Variants in MED12L observed in about 807,000 individuals in gnomAD.
MED12L encodes mediator of RNA polymerase II transcription subunit 12-like protein.
MED12L carries 60 observed loss-of-function variants against 281.3 expected under a neutral mutation model. That is an observed-to-expected ratio of 0.21 (90% CI 0.17 to 0.26). The LOEUF (loss-of-function observed/expected upper bound fraction) is 0.26, where lower values mean the gene tolerates loss of function less well. Ranked by LOEUF, MED12L falls within the 10% of genes least tolerant of loss-of-function variation. MED12L has a pLI of 1.00. For missense variants in MED12L, 2,146 were observed against 2,680.9 expected, an observed-to-expected ratio of 0.80 and a Z score of 4.41; for synonymous variants, 974 against 987.2, an observed-to-expected ratio of 0.99 and a Z score of 0.25.
chr3:151,126,368 C>A (rs1002551681), intron 4 of MED12L, among the ~76,000 whole-genome samples: 2 of 152,108 alleles, frequency 1.3e-5, no homozygotes, highest in African/African-American at 4.8e-5. Context: ...TACTGTGCAA[C>A]CCAGGCAGCT....
intron 11 of MED12L, among the ~76,000 whole-genome samples, chr3:151,172,625 T>C (rs746118439): frequency 1.3e-5 from 2 of 152,224 alleles, no homozygotes; most frequent in African/African-American, 2.4e-5. Flanking sequence ...TGCAGGACCA[T>C]GTTGTAAAGG....
chr3:151,141,187 G>GTTTTTTTTTTTTTTTTTTTTTTTTT (rs76965310), intron 5 of MED12L, among the ~76,000 whole-genome samples: 1 of 99,108 alleles, frequency 1.0e-5, no homozygotes, highest in South Asian at 3.4e-4. Context: ...TGTTTTTTTT[G>GTTTTTTTTTTTTTTTTTTTTTTTTT]TTTTTTTTTT....
chr3:151,388,877 A>T (rs1713813715), intron 37 of MED12L, among the ~76,000 whole-genome samples: 1 of 152,242 alleles, frequency 6.6e-6, no homozygotes, highest in Admixed American at 6.5e-5. Context: ...AAATTAAATT[A>T]AAACCTGGAA....
chr3:151,095,162 G>A (rs560611985), intron 2 of MED12L, among the ~76,000 whole-genome samples: 2 of 152,118 alleles, frequency 1.3e-5, no homozygotes, highest in East Asian at 3.8e-4. Flanking sequence ...CAAATGTAAG[G>A]TATAAATTCA....
At chr3:151,368,722 T>G (rs147782738) in intron 25 of MED12L, among the ~76,000 whole-genome samples, 3,909 of 79,838 alleles carry the variant, frequency 0.049, 180 homozygotes, top group East Asian at 0.1. Flanking sequence ...TTCATTTCAT[T>G]TCATTTCATT....
intron 16 of MED12L, chr3:151,327,514 C>T (rs1749769745): frequency 6.6e-6 from 1 of 152,148 alleles, no homozygotes; most frequent in Non-Finnish European, 1.5e-5. Context: ...TTCAAGTCTG[C>T]ATCCCTTTCA....
At chr3:151,251,651 A>G (rs553040573) in intron 16 of MED12L, among the ~76,000 whole-genome samples, 64 of 152,288 alleles carry the variant, frequency 4.2e-4, no homozygotes, top group African/African-American at 1.4e-3. Flanking sequence ...CTTGGTCTGT[A>G]TATCACAGCA....
At chr3:151,361,845 C>G (rs1270831425) in intron 21 of MED12L, among the ~76,000 whole-genome samples, 1 of 152,130 alleles carries the variant, frequency 6.6e-6, no homozygotes, top group Non-Finnish European at 1.5e-5. Context: ...TCCCCAACTT[C>G]CTGTCATTCG....
intron 16 of MED12L, among the ~76,000 whole-genome samples, chr3:151,339,732 G>A (rs191317701): frequency 6.6e-6 from 1 of 152,066 alleles, no homozygotes; most frequent in Non-Finnish European, 1.5e-5. Context: ...CAGATTTATG[G>A]AGTGTGTAAT....
intron 16 of MED12L, chr3:151,294,169 C>T (rs760478077): frequency 2.0e-6 from 3 of 1,538,046 alleles, no homozygotes; most frequent in Admixed American, 1.8e-5. Context: ...AATAAAAGGC[C>T]TACACATCAG....
chr3:151,245,944 A>G (rs1338671884), intron 16 of MED12L, among the ~76,000 whole-genome samples: 5 of 150,860 alleles, frequency 3.3e-5, no homozygotes, highest in African/African-American at 9.8e-5. Flanking sequence ...AAATCAATGT[A>G]CAAAAATCAC....
intron 16 of MED12L, chr3:151,213,224 T>C: frequency 9.0e-7 from 1 of 1,105,434 alleles, no homozygotes; most frequent in Non-Finnish European, 1.3e-6. Context: ...TGAGGGCACA[T>C]ATCTTATTGA....
rs1002128091 is a variant in MED12L at position 151,435,548 on chromosome 3, G to C, written c.*2744G>C. On this transcript the variant is annotated 3_prime_UTR_variant, in exon 45 of 45. Coordinates refer to ENST00000687756, the MANE Select transcript of MED12L (RefSeq NM_001393769.1). ...ATGATTGGCAGGGGCTAACTTATTA[G>C]TAATTCTCGGTTTTGTGCACTGAGA... is the stretch of plus-strand genomic sequence containing the variant. The C allele has an allele frequency of 3.9e-5, 6 of 152,080 alleles. No homozygotes were observed. The highest frequency in any genetic ancestry group is 1.4e-4 in the African/African-American group (6 of 41,430). The allele number at this position is 152,080 out of a possible 1,614,324, so 9.4% of individuals were successfully genotyped here.
chr3:151,368,785 A>C (rs1244358567), intron 25 of MED12L, among the ~76,000 whole-genome samples: 7 of 142,860 alleles, frequency 4.9e-5, no homozygotes, highest in African/African-American at 1.8e-4. Context: ...TTTCCAAGAC[A>C]AAGTCTTACT....
chr3:151,116,231 C>A, intron 2 of MED12L, 107 bp from the exon 3 acceptor site: 1 of 685,930 alleles, frequency 1.5e-6, no homozygotes, highest in Non-Finnish European at 2.4e-6. Flanking sequence ...TTCAAGAGTT[C>A]TCCTCTACAG....
At chr3:151,355,584 A>G (rs961224507) in intron 18 of MED12L, among the ~76,000 whole-genome samples, 3 of 152,196 alleles carry the variant, frequency 2.0e-5, no homozygotes, top group Admixed American at 6.5e-5. Flanking sequence ...AAGAAAACAC[A>G]TCTGTTTTGC....
chr3:151,163,990 T>C lies in MED12L; in HGVS notation c.1205T>C (p.Val402Ala). Residue 402 changes from valine to alanine, a missense_variant, in exon 9 of 45, where the codon GTG becomes GCG. Physicochemically the swap from Val to Ala is moderately conservative, Grantham distance 64. This residue lies in a region of MED12L where 722 missense variants were observed against 861.2 expected (regional missense o/e 0.84). Transcript: ENST00000687756. ...NPGSPLDLLQVAPSSLPMPGG... is the reference protein window; with the variant it reads ...NPGSPLDLLQAAPSSLPMPGG... ...GGCTCACCCCTGGATCTGCTGCAGG[T>C]GGCCCCGTCCAGCCTCCCCATGCCG... 1 of 1,613,854 alleles carries C rather than the reference T, an allele frequency of 6.2e-7. No individual in the cohort carries two copies. Among genetic ancestry groups the C allele is most frequent in the Non-Finnish European group, 8.5e-7 (1 of 1,179,838 alleles).
intron 11 of MED12L, among the ~76,000 whole-genome samples, chr3:151,171,607 T>C (rs1005673059): frequency 6.6e-6 from 1 of 152,162 alleles, no homozygotes; most frequent in Admixed American, 6.5e-5. Flanking sequence ...TATTTATTGT[T>C]TGGATTTGTT....
At chr3:151,329,113 T>A in intron 16 of MED12L, 1 of 767,790 alleles carries the variant, frequency 1.3e-6, no homozygotes, top group Non-Finnish European at 2.1e-6. Context: ...CATATTAACA[T>A]CCTGCATTTA....
Sources: gnomAD v4.1 joint callset for allele counts (sites outside exome capture counted in the v4.1 genomes callset) on GRCh38, gnomAD v4.1.1 for gene constraint, gnomAD v4.1.1 regional missense constraint, MANE v1.5 for transcripts, NCBI Gene and HGNC (gene_info 2026-07-23, HGNC 2026-07-21) for gene names.